Variants in CNBD1 observed in about 807,000 individuals in gnomAD.
CNBD1 encodes cyclic nucleotide binding domain containing 1, also known as cyclic nucleotide-binding domain-containing protein 1.
A neutral mutation model predicts 54.4 loss-of-function variants in CNBD1; 71 were observed. The ratio of observed to expected loss-of-function variants is 1.30; its 90% CI spans 1.08 to 1.59. CNBD1 has a LOEUF of 1.59. CNBD1 is among the 40% of genes most tolerant of loss of function. CNBD1 has a pLI of 0.00. For missense variants in CNBD1, 659 were observed against 518.0 expected, an observed-to-expected ratio of 1.27 and a Z score of -2.64; for synonymous variants, 182 against 170.7, an observed-to-expected ratio of 1.07 and a Z score of -0.51.
At chr8:86,893,893 C>T (rs1245694165) in intron 2 of CNBD1, among the ~76,000 whole-genome samples, 1 of 151,952 alleles carries the variant, frequency 6.6e-6, no homozygotes, top group Non-Finnish European at 1.5e-5. Flanking sequence ...TTTTAATCTA[C>T]TACTCCACTC....
At position 87,166,356 on chromosome 8, in the gene CNBD1, T is replaced by C. The variant is rs1370433953; in HGVS notation, c.432-39637T>C. 6.6e-6 allele frequency among the ~76,000 whole-genome samples: 1 copy of C among 151,948 alleles called. No homozygotes were observed. Among genetic ancestry groups the C allele is most frequent in the Non-Finnish European group, 1.5e-5 (1 of 67,912 alleles). Reference sequence around the variant, plus strand: ...TCGCTTGTCTCCAGGTCACCATAGCTTCTCGCTTTGATACTTCAATAGCCT... The same window carrying C: ...TCGCTTGTCTCCAGGTCACCATAGCCTCTCGCTTTGATACTTCAATAGCCT... On this transcript the variant is annotated intron_variant, in intron 4 of 10. Coordinates refer to ENST00000518476, the MANE Select transcript of CNBD1 (RefSeq NM_173538.3). This position sits in a 1 kb window ranked among gnomAD's most constrained non-coding sequence, Gnocchi z 4.3.
At chr8:87,415,819 A>C (rs1344364210) in intron 2 of CNBD1, among the ~76,000 whole-genome samples, 1 of 151,720 alleles carries the variant, frequency 6.6e-6, no homozygotes, top group Non-Finnish European at 1.5e-5. Context: ...TAATAAAAAG[A>C]TGCAAGTAAG....
chr8:87,383,999 T>C (rs1208071227), downstream of CNBD1, among the ~76,000 whole-genome samples: 1 of 152,100 alleles, frequency 6.6e-6, no homozygotes, highest in Non-Finnish European at 1.5e-5. Context: ...GACATTAGTA[T>C]TTTTGACTTG....
At chr8:87,223,580 T>G (rs113292245) in intron 5 of CNBD1, among the ~76,000 whole-genome samples, 5,032 of 152,300 alleles carry the variant, frequency 0.033, 259 homozygotes, top group African/African-American at 0.11. Flanking sequence ...CTCATCCTTT[T>G]TTATGGCTAC....
intron 10 of CNBD1, among the ~76,000 whole-genome samples, chr8:87,372,103 C>G (rs146960328): frequency 6.6e-6 from 1 of 151,948 alleles, no homozygotes; most frequent in Non-Finnish European, 1.5e-5. Context: ...TGTCTCAGCC[C>G]AAAATCTTCT....
intron 5 of CNBD1, among the ~76,000 whole-genome samples, chr8:87,223,729 T>A (rs1042170074): frequency 6.6e-5 from 10 of 152,080 alleles, no homozygotes; most frequent in African/African-American, 1.4e-4. Flanking sequence ...TATAGCAGCA[T>A]GATTCATAGT....
intron 4 of CNBD1, among the ~76,000 whole-genome samples, chr8:86,983,329 C>T (rs1235666000): frequency 6.6e-6 from 1 of 152,184 alleles, no homozygotes; most frequent in Non-Finnish European, 1.5e-5. Flanking sequence ...TCCATTAAAC[C>T]TCTTTCTTTT....
At chr8:87,137,323 A>G (rs1812276666) in intron 4 of CNBD1, among the ~76,000 whole-genome samples, 1 of 150,816 alleles carries the variant, frequency 6.6e-6, no homozygotes, top group Admixed American at 6.7e-5. Flanking sequence ...CAGCCTCCCG[A>G]GTAGCTGGGA....
At chr8:87,343,002 C>T (rs928027932) in intron 8 of CNBD1, among the ~76,000 whole-genome samples, 40 of 152,252 alleles carry the variant, frequency 2.6e-4, no homozygotes, top group African/African-American at 9.4e-4. Context: ...CTCTCGACTG[C>T]ATAAGACAGA....
At chr8:86,899,545 T>C (rs1250085925) in intron 2 of CNBD1, among the ~76,000 whole-genome samples, 1 of 152,164 alleles carries the variant, frequency 6.6e-6, no homozygotes, top group Non-Finnish European at 1.5e-5. Flanking sequence ...TTCCTGATAT[T>C]CTCTTGTTAT....
intron 4 of CNBD1, among the ~76,000 whole-genome samples, chr8:87,068,270 A>T (rs894077007): frequency 4.6e-5 from 7 of 152,064 alleles, no homozygotes; most frequent in African/African-American, 1.7e-4. Context: ...AGACACTTAA[A>T]AATGTGTTTT....
At chr8:87,154,257 T>C (rs1812668153) in intron 4 of CNBD1, among the ~76,000 whole-genome samples, 1 of 152,040 alleles carries the variant, frequency 6.6e-6, no homozygotes, top group Non-Finnish European at 1.5e-5. Flanking sequence ...AAAAGTGATA[T>C]GAATGTAAAA....
chr8:87,250,228 C>T (rs767343450), intron 6 of CNBD1, among the ~76,000 whole-genome samples: 7 of 152,094 alleles, frequency 4.6e-5, no homozygotes, highest in Non-Finnish European at 7.4e-5. Context: ...AAAGAATGCT[C>T]AACATAATTA....
intron 2 of CNBD1, among the ~76,000 whole-genome samples, chr8:87,387,918 G>C (rs902493584): frequency 9.9e-5 from 15 of 152,176 alleles, no homozygotes; most frequent in Non-Finnish European, 1.6e-4. Flanking sequence ...TCAGACCACA[G>C]TGCAATCAAA....
At chr8:86,951,087 A>G (rs997047641) in intron 4 of CNBD1, among the ~76,000 whole-genome samples, 1 of 152,190 alleles carries the variant, frequency 6.6e-6, no homozygotes, top group African/African-American at 2.4e-5. Flanking sequence ...CACAAATTTA[A>G]TAACTTTACA....
chr8:86,905,194 G>C lies in CNBD1; in HGVS notation c.272G>C (p.Arg91Thr). ...LPKLFKQEEQ[R>T]ELNEGKEESQ... ...AAACTTTTCAAACAGGAGGAACAAAGGTAATGATACCTTCTTTTGAAAGCA... is the reference window on the plus strand; with the variant it reads ...AAACTTTTCAAACAGGAGGAACAAACGTAATGATACCTTCTTTTGAAAGCA... Residue 91 changes from arginine to threonine, a missense_variant and splice_region_variant, in exon 3 of 11, where the codon AGG becomes ACG. Physicochemically the swap from Arg to Thr is moderately conservative, Grantham distance 71. Transcript: ENST00000518476. 6.4e-7 allele frequency: 1 copy of C among 1,555,910 alleles called. No individual in the cohort carries two copies. Among genetic ancestry groups the C allele is most frequent in the Non-Finnish European group, 8.9e-7 (1 of 1,128,616 alleles).
At chr8:87,374,794 C>G (rs895055526) in intron 10 of CNBD1, among the ~76,000 whole-genome samples, 1 of 150,566 alleles carries the variant, frequency 6.6e-6, no homozygotes, top group Non-Finnish European at 1.5e-5. Flanking sequence ...GAATTCTTTT[C>G]TTGGATGGAA....
intron 6 of CNBD1, among the ~76,000 whole-genome samples, chr8:87,273,073 C>G (rs1754558617): frequency 6.6e-6 from 1 of 151,744 alleles, no homozygotes; most frequent in South Asian, 2.1e-4. Context: ...TCAGACAGAT[C>G]AATTTCCCCT....
At chr8:87,096,664 A>C (rs1394783350) in intron 4 of CNBD1, among the ~76,000 whole-genome samples, 1 of 152,166 alleles carries the variant, frequency 6.6e-6, no homozygotes, top group Non-Finnish European at 1.5e-5. Context: ...AAGGAAAGCA[A>C]AATGCGTGTT....
Sources: gnomAD v4.1 joint callset for allele counts (sites outside exome capture counted in the v4.1 genomes callset) on GRCh38, gnomAD v4.1.1 for gene constraint, Gnocchi (gnomAD v3.1) non-coding constraint, MANE v1.5 for transcripts, NCBI Gene and HGNC (gene_info 2026-07-23, HGNC 2026-07-21) for gene names.